UBXN11: variants seen among roughly 807,000 people sequenced by gnomAD.
UBXN11 encodes UBX domain-containing protein 11.
A neutral mutation model predicts 62.8 loss-of-function variants in UBXN11; 47 were observed. The observed-to-expected ratio is 0.75, with a 90% CI of 0.59 to 0.95. The LOEUF (loss-of-function observed/expected upper bound fraction) is 0.95, where lower values mean the gene tolerates loss of function less well. UBXN11 is among the 40% of genes least tolerant of loss of function. The pLI is 0.00. For synonymous variants in UBXN11, 294 were observed against 267.0 expected, an observed-to-expected ratio of 1.10 and a Z score of -0.99; for missense variants, 638 against 661.7, an observed-to-expected ratio of 0.96 and a Z score of 0.39.
intron 1 of UBXN11, chr1:26,317,943 C>G: frequency 7.3e-7 from 1 of 1,376,856 alleles, no homozygotes; most frequent in Non-Finnish European, 1.0e-6. Context: ...AGCAGCTAAA[C>G]CAAAAGAAGC....
chr1:26,284,563 C>A, intron 10 of UBXN11, 81 bp from the exon 11 acceptor site: 2 of 1,504,656 alleles, frequency 1.3e-6, no homozygotes, highest in Non-Finnish European at 1.8e-6. Context: ...TTTGCCTAAA[C>A]ACAGGCCAAG....
At chr1:26,310,581 A>G (rs2073731649), upstream of UBXN11, among the ~76,000 whole-genome samples, 1 of 151,518 alleles carries the variant, frequency 6.6e-6, no homozygotes, top group African/African-American at 2.4e-5. Context: ...TACAAAAATT[A>G]GCAGGGCATG....
chr1:26,307,549 A>T (rs781612770), upstream of UBXN11, among the ~76,000 whole-genome samples: 1 of 149,734 alleles, frequency 6.7e-6, no homozygotes, highest in African/African-American at 2.5e-5. Flanking sequence ...ATGATTTCTG[A>T]TCTCAGGCAC....
intron 8 of UBXN11, among the ~76,000 whole-genome samples, chr1:26,290,848 G>T (rs4659369): frequency 1.3e-5 from 2 of 151,772 alleles, no homozygotes; most frequent in African/African-American, 4.8e-5. Context: ...GCAGAGGGTG[G>T]GGGGGAAGGG....
chr1:26,290,320 G>T (rs2073230062), intron 8 of UBXN11, among the ~76,000 whole-genome samples: 1 of 152,184 alleles, frequency 6.6e-6, no homozygotes, highest in African/African-American at 2.4e-5. Flanking sequence ...AGGAGGAAAT[G>T]AACTCAGAGG....
upstream of UBXN11, among the ~76,000 whole-genome samples, chr1:26,308,619 C>T (rs1394626903): frequency 2.0e-5 from 3 of 152,166 alleles, no homozygotes; most frequent in African/African-American, 7.2e-5. Flanking sequence ...GAGATCATGT[C>T]GGGGCCAAGT....
chr1:26,296,425 G>A (rs1218820634), intron 7 of UBXN11, among the ~76,000 whole-genome samples: 10 of 152,214 alleles, frequency 6.6e-5, no homozygotes, highest in East Asian at 1.9e-4. Flanking sequence ...TAGGAGGCCC[G>A]GGGGATATGA....
At chr1:26,291,134 C>T (rs1284578393) in intron 8 of UBXN11, among the ~76,000 whole-genome samples, 1 of 152,150 alleles carries the variant, frequency 6.6e-6, no homozygotes, top group Non-Finnish European at 1.5e-5. Context: ...CTGGCTCACC[C>T]TCCACAGGCC....
rs756713568 is a variant in UBXN11 at position 26,297,978 on chromosome 1, TC to T, written c.283del (p.Asp95MetfsTer10). ...GAGCCCCACCTTGGACAGTATCTCA[TC>T]AGTCTGGGCCTTCACCTGCTGCTCC... ...DLEQQVKAQTDEILSKDQKIA... is the reference protein window; with the variant it reads ...DLEQQVKAQTXEILSKDQKIA... On this transcript the variant is annotated frameshift_variant, in exon 5 of 15. Transcript: ENST00000374222. LOFTEE classifies it high-confidence loss of function. 6.2e-7 allele frequency: 1 copy of T among 1,613,940 alleles called. No homozygotes were observed. The highest frequency in any genetic ancestry group is 1.1e-5 in the South Asian group (1 of 91,008).
chr1:26,317,360 AC>A (rs1379090480), intron 1 of UBXN11, among the ~76,000 whole-genome samples: 2 of 152,156 alleles, frequency 1.3e-5, no homozygotes, highest in Non-Finnish European at 2.9e-5. Flanking sequence ...CCCAACTGAA[AC>A]CAGGCTTCCC....
intron 1 of UBXN11, among the ~76,000 whole-genome samples, chr1:26,304,747 C>T (rs1039454700): frequency 6.6e-6 from 1 of 151,842 alleles, no homozygotes; most frequent in African/African-American, 2.4e-5. Context: ...AGCAAGACTC[C>T]ATCTCAAAAA....
Position 26,285,462 on chromosome 1 carries a change from AC to A in UBXN11, c.852+1del. The A allele has an allele frequency of 6.2e-7, 1 of 1,610,762 alleles. No homozygotes were observed. The highest frequency in any genetic ancestry group is 1.3e-5 in the African/African-American group (1 of 74,948). On this transcript the variant is annotated splice_donor_variant, in intron 10 of 14. Coordinates refer to ENST00000374222, the MANE Select transcript of UBXN11 (RefSeq NM_001389556.1). LOFTEE classifies it high-confidence loss of function. ...GGTGTGGTTTGAGGAGCAGCTTATC[AC>A]CTTAAAGGGGACCCCATTGGGGTAC... is the stretch of plus-strand genomic sequence containing the variant.
At chr1:26,292,848 C>A (rs1241395142) in intron 8 of UBXN11, among the ~76,000 whole-genome samples, 1 of 151,358 alleles carries the variant, frequency 6.6e-6, no homozygotes, top group Non-Finnish European at 1.5e-5. Context: ...GAGCAAGACT[C>A]CATCTCAAAA....
intron 1 of UBXN11, among the ~76,000 whole-genome samples, chr1:26,305,492 C>T (rs1172046602): frequency 6.6e-6 from 1 of 152,130 alleles, no homozygotes; most frequent in African/African-American, 2.4e-5. Context: ...AATTTACCCT[C>T]CAGCCCCCAC....
chr1:26,294,681 T>A (rs866106155), intron 7 of UBXN11, among the ~76,000 whole-genome samples: 1 of 152,110 alleles, frequency 6.6e-6, no homozygotes, highest in African/African-American at 2.4e-5. Context: ...GGCCCAAGTG[T>A]GAGAAGGAGG....
upstream of UBXN11, among the ~76,000 whole-genome samples, chr1:26,307,311 T>C (rs2073689655): frequency 6.6e-6 from 1 of 152,186 alleles, no homozygotes; most frequent in Non-Finnish European, 1.5e-5. Context: ...CCTTACTGTG[T>C]GTTCTTGGGC....
intron 1 of UBXN11, chr1:26,317,885 T>A: frequency 1.3e-6 from 1 of 746,102 alleles, no homozygotes; most frequent in South Asian, 1.5e-5. Context: ...TTGTAAGCCC[T>A]CCTTCCTCTC....
Position 26,302,907 on chromosome 1 carries a change from G to T in UBXN11, c.-24C>A. ...ATAGTTCTACTTCTAGAATCCAGCT[G>T]TCAGGAACTCCCTAGAGGAATGCAG... On this transcript the variant is annotated 5_prime_UTR_variant, in exon 2 of 15. Transcript: ENST00000374222. 6.2e-7 allele frequency: 1 copy of T among 1,612,050 alleles called. No individual in the cohort carries two copies. Among genetic ancestry groups the T allele is most frequent in the Non-Finnish European group, 8.5e-7 (1 of 1,178,448 alleles).
chr1:26,297,992 C>T lies in UBXN11; in HGVS notation c.270G>A (p.Val90=). ...TRKLWDLEQQ[V]KAQTDEILSK... is the part of the protein sequence containing the mutation. Reference sequence around the variant, plus strand: ...ACAGTATCTCATCAGTCTGGGCCTTCACCTGCTGCTCCAGGTCCCACAACT... The same window carrying T: ...ACAGTATCTCATCAGTCTGGGCCTTTACCTGCTGCTCCAGGTCCCACAACT... Residue 90 remains valine (V), a synonymous_variant, in exon 5 of 15, where the codon GTG becomes GTA. Transcript: ENST00000374222. The T allele has an allele frequency of 1.2e-6, 2 of 1,614,024 alleles. No homozygotes were observed. The highest frequency in any genetic ancestry group is 1.7e-6 in the Non-Finnish European group (2 of 1,179,990).
Sources: allele counts gnomAD v4.1 joint callset (sites outside exome capture counted in the v4.1 genomes callset), GRCh38; gene constraint gnomAD v4.1.1; transcripts MANE v1.5; gene names NCBI Gene and HGNC (gene_info 2026-07-23, HGNC 2026-07-21).